Variants in KCNB2 observed in about 807,000 individuals in gnomAD.
KCNB2 encodes delayed rectifier potassium channel protein.
KCNB2 carries 15 observed loss-of-function variants against 61.5 expected under a neutral mutation model. The observed-to-expected ratio is 0.24, with a 90% CI of 0.16 to 0.38. The LOEUF is 0.38. Among genes scored for constraint, KCNB2 ranks in the 10% least tolerant of loss-of-function variants. The pLI, the probability that KCNB2 is intolerant of heterozygous loss-of-function variation, is 1.00. For missense variants in KCNB2, 828 were observed against 1,125.2 expected (o/e 0.74, Z 3.78); for synonymous variants, 457 against 446.0 (o/e 1.02, Z -0.31).
Position 72,537,491 on chromosome 8 carries a change from A to AT in KCNB2, c.-483dup, listed in dbSNP as rs1806129839. 1 of 151,940 alleles carries AT rather than the reference A, an allele frequency of 6.6e-6. No individual in the cohort carries two copies. The highest frequency in any genetic ancestry group is 2.4e-5 in the African/African-American group (1 of 41,298). 9.4% of individuals were successfully genotyped at this position (151,940 alleles called of 1,614,324 possible). ...CGCGCGGCGAGCTCAGCCCCGCTCG[A>AT]TTTTTCCTCTTCTGTTCCAGCCCTC... is the stretch of plus-strand genomic sequence containing the variant. On this transcript the variant is annotated 5_prime_UTR_variant, in exon 1 of 3. Coordinates refer to ENST00000523207, the MANE Select transcript of KCNB2 (RefSeq NM_004770.3).
chr8:72,819,819 G>A (rs1236944491), intron 2 of KCNB2, among the ~76,000 whole-genome samples: 1 of 152,028 alleles, frequency 6.6e-6, no homozygotes, highest in African/African-American at 2.4e-5. Flanking sequence ...TCTCATCTAT[G>A]TATTCCACTA....
At chr8:72,595,906 G>A (rs1208319312) in intron 2 of KCNB2, among the ~76,000 whole-genome samples, 1 of 152,148 alleles carries the variant, frequency 6.6e-6, no homozygotes. Context: ...CAGTGGCAGA[G>A]TTCACTAGTT....
Position 72,701,440 on chromosome 8 carries a change from C to T in KCNB2, c.579+133127C>T, listed in dbSNP as rs555406069. Among the ~76,000 whole-genome samples, 3 of 152,250 alleles carry T rather than the reference C, an allele frequency of 2.0e-5. 1 individual carries two copies. The highest frequency in any genetic ancestry group is 1.3e-4 in the Admixed American group (2 of 15,280). Reference sequence around the variant, plus strand: ...TGACAAAGTTATCTATTCATAACACCATCCTCTAGCATCTTCATTGCCCTG... The same window carrying T: ...TGACAAAGTTATCTATTCATAACACTATCCTCTAGCATCTTCATTGCCCTG... On this transcript the variant is annotated intron_variant, in intron 2 of 2. Coordinates refer to ENST00000523207, the MANE Select transcript of KCNB2 (RefSeq NM_004770.3).
At chr8:72,642,148 T>C (rs1223839870) in intron 2 of KCNB2, among the ~76,000 whole-genome samples, 1 of 152,116 alleles carries the variant, frequency 6.6e-6, no homozygotes, top group Non-Finnish European at 1.5e-5. Context: ...ACTCAAAATG[T>C]GGCCAGTCTG....
At chr8:72,576,210 A>G (rs1181304681) in intron 2 of KCNB2, among the ~76,000 whole-genome samples, 2 of 152,208 alleles carry the variant, frequency 1.3e-5, no homozygotes, top group African/African-American at 4.8e-5. Context: ...TCTATTTGAG[A>G]ATAACCCCAG....
intron 2 of KCNB2, among the ~76,000 whole-genome samples, chr8:72,636,743 A>G (rs1343377654): frequency 1.3e-5 from 2 of 152,286 alleles, no homozygotes; most frequent in East Asian, 3.9e-4. Context: ...GTCAAATCTT[A>G]TGGTCTCTTA....
intron 2 of KCNB2, among the ~76,000 whole-genome samples, chr8:72,684,232 C>A (rs982644030): frequency 6.6e-6 from 1 of 152,134 alleles, no homozygotes; most frequent in African/African-American, 2.4e-5. Context: ...TTGAGCCAAG[C>A]GTGTGGTCAC....
chr8:72,803,618 G>A (rs539019708), intron 2 of KCNB2, among the ~76,000 whole-genome samples: 1 of 152,312 alleles, frequency 6.6e-6, no homozygotes, highest in South Asian at 2.1e-4. Context: ...CTATAATCCT[G>A]TGAGATTACG....
rs956799315 is a variant in KCNB2 at position 72,819,345 on chromosome 8, TC to T, written c.580-116586del. ...GAAATAGCACCCAATCCAGAGGTGATCCCCATTCACCTCAGCACCCCCTTAG... is the reference window on the plus strand; with the variant it reads ...GAAATAGCACCCAATCCAGAGGTGATCCCATTCACCTCAGCACCCCCTTAG... On this transcript the variant is annotated intron_variant, in intron 2 of 2. Coordinates refer to ENST00000523207, the MANE Select transcript of KCNB2 (RefSeq NM_004770.3). Among the ~76,000 whole-genome samples the T allele has an allele frequency of 1.8e-4, 28 of 152,052 alleles. 1 individual carries two copies. Among genetic ancestry groups the T allele is most frequent in the African/African-American group, 6.8e-4 (28 of 41,394 alleles).
intron 2 of KCNB2, among the ~76,000 whole-genome samples, chr8:72,818,936 T>G (rs920692110): frequency 1.3e-5 from 2 of 152,196 alleles, no homozygotes. Context: ...ATCTTGGTTC[T>G]ACTGCTTACC....
intron 2 of KCNB2, among the ~76,000 whole-genome samples, chr8:72,883,095 C>T (rs1200381266): frequency 6.6e-6 from 1 of 152,174 alleles, no homozygotes; most frequent in East Asian, 1.9e-4. Context: ...CAATATGATG[C>T]GAAGCCAGGT....
chr8:72,559,025 T>TTG (rs907865303), intron 1 of KCNB2, among the ~76,000 whole-genome samples: 42 of 152,200 alleles, frequency 2.8e-4, no homozygotes, highest in African/African-American at 1.0e-3. Context: ...GAGAGAGGGC[T>TTG]GGGGGGAGCA....
At chr8:72,567,010 T>C (rs1806635124) in intron 1 of KCNB2, among the ~76,000 whole-genome samples, 1 of 152,014 alleles carries the variant, frequency 6.6e-6, no homozygotes, top group Non-Finnish European at 1.5e-5. Flanking sequence ...GCTTAAGATG[T>C]CTGTGGTTTA....
chr8:72,703,745 G>A (rs1807172136), intron 2 of KCNB2, among the ~76,000 whole-genome samples: 1 of 152,150 alleles, frequency 6.6e-6, no homozygotes, highest in African/African-American at 2.4e-5. Context: ...ACTGTAATAG[G>A]TGGCTAAAAT....
intron 2 of KCNB2, among the ~76,000 whole-genome samples, chr8:72,699,385 A>G (rs1296959280): frequency 6.6e-6 from 1 of 151,940 alleles, no homozygotes; most frequent in African/African-American, 2.4e-5. Flanking sequence ...GGCCGCATAA[A>G]TATCTTCTTT....
chr8:72,588,777 T>G (rs188629615), intron 2 of KCNB2, among the ~76,000 whole-genome samples: 1 of 151,984 alleles, frequency 6.6e-6, no homozygotes, highest in Non-Finnish European at 1.5e-5. Context: ...CAGGCTGTAG[T>G]CCTAGCTACT....
chr8:72,636,664 G>T (rs1269174526), intron 2 of KCNB2, among the ~76,000 whole-genome samples: 7 of 152,156 alleles, frequency 4.6e-5, no homozygotes, highest in Non-Finnish European at 5.9e-5. Flanking sequence ...CAGAGGCAAT[G>T]CTGTAGCCTA....
At position 72,937,546 on chromosome 8, in the gene KCNB2, C is replaced by A; in HGVS notation, c.2191C>A (p.Pro731Thr). 5.0e-6 allele frequency: 8 copies of A among 1,614,002 alleles called. No individual in the cohort carries two copies. Among genetic ancestry groups the A allele is most frequent in the Admixed American group, 1.7e-5 (1 of 60,000 alleles). ...TAGAGGCAGTGCACCACAGACCCCG[C>A]CCAGCACAGCCAGGCCACTGCCAGT... ...ENRGSAPQTPPSTARPLPVTT... is the reference protein window; with the variant it reads ...ENRGSAPQTPTSTARPLPVTT... Residue 731 changes from proline (P) to threonine (T), a missense_variant, in exon 3 of 3, where the codon CCC becomes ACC. Physicochemically the swap from Pro to Thr is conservative, Grantham distance 38. Coordinates refer to ENST00000523207, the MANE Select transcript of KCNB2 (RefSeq NM_004770.3).
chr8:72,639,441 C>T (rs115207248), intron 2 of KCNB2, among the ~76,000 whole-genome samples: 2,242 of 152,194 alleles, frequency 0.015, 44 homozygotes, highest in African/African-American at 0.052. Context: ...ATTTTCTTCC[C>T]TTGGTTTTAG....
Sources: gnomAD v4.1 joint callset for allele counts (sites outside exome capture counted in the v4.1 genomes callset) on GRCh38, gnomAD v4.1.1 for gene constraint, MANE v1.5 for transcripts, NCBI Gene and HGNC (gene_info 2026-07-23, HGNC 2026-07-21) for gene names.